The following FTCDNL1 variants were observed in gnomAD, a reference collection of about 807,000 sequenced individuals.
FTCDNL1 encodes formiminotransferase N-terminal subdomain-containing protein.
A neutral mutation model predicts 5.9 loss-of-function variants in FTCDNL1; 11 were observed. The ratio of observed to expected loss-of-function variants is 1.87; its 90% CI spans 1.18 to 3.10. The LOEUF (loss-of-function observed/expected upper bound fraction) is 3.10. FTCDNL1 is among the 30% of genes most tolerant of loss of function. The pLI, the probability that FTCDNL1 is intolerant of heterozygous loss-of-function variation, is 0.00. For missense variants in FTCDNL1, 115 were observed against 65.5 expected, an observed-to-expected ratio of 1.76 and a Z score of -2.61; for synonymous variants, 58 against 24.8, an observed-to-expected ratio of 2.34 and a Z score of -3.99.
the FTCDNL1 span, among the ~76,000 whole-genome samples, chr2:199,699,929 C>T: frequency 6.6e-6 from 1 of 152,072 alleles, no homozygotes; most frequent in Non-Finnish European, 1.5e-5. Context: ...TATGATAAAC[C>T]CACAGCCAAC....
chr2:199,688,590 T>C, the FTCDNL1 span, among the ~76,000 whole-genome samples: 2 of 152,166 alleles, frequency 1.3e-5, no homozygotes, highest in Non-Finnish European at 2.9e-5. Flanking sequence ...GACAAGGCTG[T>C]TCCCAGGCAG....
chr2:199,669,086 G>A, the FTCDNL1 span, among the ~76,000 whole-genome samples: 1 of 152,124 alleles, frequency 6.6e-6, no homozygotes, highest in Admixed American at 6.6e-5. Context: ...CGGGTTTGGG[G>A]AATGCTGAGA....
the FTCDNL1 span, among the ~76,000 whole-genome samples, chr2:199,667,363 A>G: frequency 6.6e-6 from 1 of 152,106 alleles, no homozygotes; most frequent in Non-Finnish European, 1.5e-5. Flanking sequence ...GGGGCTGGAC[A>G]TGGTAGCTCA....
At chr2:199,758,868 G>C (rs1395917736), downstream of FTCDNL1, among the ~76,000 whole-genome samples, 2 of 152,090 alleles carry the variant, frequency 1.3e-5, no homozygotes, top group Non-Finnish European at 2.9e-5. Context: ...TCAAAACATT[G>C]TTTGTACTGG....
intron 3 of FTCDNL1, among the ~76,000 whole-genome samples, chr2:199,789,702 G>C (rs77532620): frequency 0.022 from 3,368 of 152,060 alleles, 205 homozygotes; most frequent in Admixed American, 0.12. Flanking sequence ...CCATGCCCAG[G>C]AAGCCCACAA....
chr2:199,833,937 G>T lies in FTCDNL1; in HGVS notation c.211+12138C>A, dbSNP rs78633888. Among the ~76,000 whole-genome samples, 410 of 152,214 alleles carry T rather than the reference G, an allele frequency of 2.7e-3. 1 individual carries two copies. The highest frequency in any genetic ancestry group is 4.6e-3 in the Non-Finnish European group (312 of 68,010). On this transcript the variant is annotated intron_variant, in intron 3 of 4. Coordinates refer to ENST00000420128, the MANE Select transcript of FTCDNL1 (RefSeq NM_001363886.2). ...AAAATGCTTTCTGCCCATTACTGAT[G>T]TTTTCTTCCACATGGAGAGAGCTCT...
intron 2 of FTCDNL1, among the ~76,000 whole-genome samples, chr2:199,848,300 T>A (rs1291367116): frequency 1.3e-5 from 2 of 152,224 alleles, no homozygotes; most frequent in East Asian, 3.8e-4. Flanking sequence ...TGCTGAGTGA[T>A]CTTAAGCGCA....
chr2:199,803,539 A>C (rs1373840335), intron 3 of FTCDNL1, among the ~76,000 whole-genome samples: 3 of 152,190 alleles, frequency 2.0e-5, no homozygotes, highest in Admixed American at 1.3e-4. Flanking sequence ...ATTATGTCTC[A>C]CTGCAGCCTT....
intron 3 of FTCDNL1, among the ~76,000 whole-genome samples, chr2:199,780,323 ACT>A (rs1339972961): frequency 2.0e-5 from 3 of 151,846 alleles, no homozygotes; most frequent in African/African-American, 7.3e-5. Context: ...CTGAGGAGGG[ACT>A]CTGTTAAGAG....
At chr2:199,727,321 T>C in the FTCDNL1 span, among the ~76,000 whole-genome samples, 1 of 152,090 alleles carries the variant, frequency 6.6e-6, no homozygotes, top group African/African-American at 2.4e-5. Flanking sequence ...GAGAACTTGA[T>C]CATCTTAGGC....
At chr2:199,745,320 C>G in the FTCDNL1 span, among the ~76,000 whole-genome samples, 1 of 152,180 alleles carries the variant, frequency 6.6e-6, no homozygotes, top group South Asian at 2.1e-4. Flanking sequence ...ATTAAATAAC[C>G]TTTAATCAAG....
chr2:199,769,729 C>T (rs1018172065), intron 3 of FTCDNL1, among the ~76,000 whole-genome samples: 2 of 152,198 alleles, frequency 1.3e-5, no homozygotes, highest in African/African-American at 4.8e-5. Flanking sequence ...ACGCCTACCC[C>T]TTGCTATTTC....
chr2:199,775,210 C>T (rs1412618661), intron 3 of FTCDNL1, among the ~76,000 whole-genome samples: 2 of 152,166 alleles, frequency 1.3e-5, no homozygotes, highest in Admixed American at 6.5e-5. Context: ...AGCCTGCAAC[C>T]CCTGTTTTGG....
chr2:199,770,900 G>A (rs905077363), intron 3 of FTCDNL1, among the ~76,000 whole-genome samples: 1 of 152,210 alleles, frequency 6.6e-6, no homozygotes, highest in African/African-American at 2.4e-5. Flanking sequence ...GATGCACAGA[G>A]AGAGCTGCAC....
the FTCDNL1 span, among the ~76,000 whole-genome samples, chr2:199,754,155 C>A: frequency 6.6e-6 from 1 of 152,162 alleles, no homozygotes; most frequent in East Asian, 1.9e-4. Context: ...CCCCACAATT[C>A]ATTCTTCCCT....
At chr2:199,787,552 G>A (rs1018436086) in intron 3 of FTCDNL1, among the ~76,000 whole-genome samples, 1 of 152,102 alleles carries the variant, frequency 6.6e-6, no homozygotes, top group Non-Finnish European at 1.5e-5. Flanking sequence ...AAGACATTGA[G>A]ACTTTCTGGG....
chr2:199,697,999 A>C, the FTCDNL1 span, among the ~76,000 whole-genome samples: 1 of 152,206 alleles, frequency 6.6e-6, no homozygotes, highest in Admixed American at 6.5e-5. Flanking sequence ...TTTTAGACAA[A>C]ATAGACTTTA....
At chr2:199,733,793 G>A in the FTCDNL1 span, among the ~76,000 whole-genome samples, 3 of 152,068 alleles carry the variant, frequency 2.0e-5, no homozygotes, top group Non-Finnish European at 2.9e-5. Flanking sequence ...TTTAAGCAAA[G>A]CATTTAGAAA....
intron 3 of FTCDNL1, among the ~76,000 whole-genome samples, chr2:199,769,141 T>C: frequency 6.6e-6 from 1 of 152,206 alleles, no homozygotes; most frequent in Admixed American, 6.5e-5. Flanking sequence ...CCTGCTCTGC[T>C]GAGTTCTTCC....
Sources: gnomAD v4.1 joint callset for allele counts (sites outside exome capture counted in the v4.1 genomes callset) on GRCh38, gnomAD v4.1.1 for gene constraint, MANE v1.5 for transcripts, NCBI Gene and HGNC (gene_info 2026-07-23, HGNC 2026-07-21) for gene names.